Variants in SEMA7A observed in about 807,000 individuals in gnomAD.
SEMA7A encodes semaphorin 7A (JohnMiltonHagen blood group), also known as semaphorin-7A.
A neutral mutation model predicts 67.5 loss-of-function variants in SEMA7A; 21 were observed. The observed-to-expected ratio is 0.31, with a 90% CI of 0.22 to 0.45. The LOEUF is 0.45. Ranked by LOEUF, SEMA7A falls within the 20% of genes least tolerant of loss-of-function variation. The pLI, the probability that SEMA7A is intolerant of heterozygous loss-of-function variation, is 1.00. For missense variants in SEMA7A, 774 were observed against 908.6 expected (o/e 0.85, Z 1.90); for synonymous variants, 364 against 368.5 (o/e 0.99, Z 0.14).
chr15:74,410,964 A>G lies in SEMA7A; in HGVS notation c.1661T>C (p.Val554Ala). 1 of 1,613,322 alleles carries G rather than the reference A, an allele frequency of 6.2e-7. No homozygotes were observed. The highest frequency in any genetic ancestry group is 8.5e-7 in the Non-Finnish European group (1 of 1,179,774). The change falls in exon 14 of 14, where the codon GTT becomes GCT. Residue 554 changes from valine (V) to alanine (A), a missense_variant. By Grantham distance (64) the Val-to-Ala change is moderately conservative. Coordinates refer to ENST00000261918, the MANE Select transcript of SEMA7A (RefSeq NM_003612.5). This position sits in a 1 kb window ranked among gnomAD's most constrained non-coding sequence, Gnocchi z 7.5. ...GTAGCGAGAGTTTGGGGCCAGGGAA[A>G]CCTTCTGCAGTGGGGCCTTGTCTGG... ...PKPDKAPLQK[V>A]SLAPNSRYYL...
At chr15:74,424,939 A>G (rs2061031278) in intron 1 of SEMA7A, among the ~76,000 whole-genome samples, 1 of 152,260 alleles carries the variant, frequency 6.6e-6, no homozygotes, top group South Asian at 2.1e-4. Context: ...TTGGGCCCAC[A>G]GCCAGGGCAG....
intron 1 of SEMA7A, among the ~76,000 whole-genome samples, chr15:74,428,955 T>A (rs1040781594): frequency 4.5e-4 from 69 of 152,318 alleles, no homozygotes; most frequent in African/African-American, 1.6e-3. Flanking sequence ...TCCATCCCCC[T>A]GCTTTCTTTC....
Position 74,412,043 on chromosome 15 carries a change from G to A in SEMA7A, c.1295-31C>T, listed in dbSNP as rs550306245. 94 of 1,612,538 alleles carry A rather than the reference G, an allele frequency of 5.8e-5. 1 individual carries two copies. In the South Asian group the frequency reaches 7.0e-4, roughly 12 times the overall value. On this transcript the variant is annotated intron_variant, in intron 10 of 13. Transcript: ENST00000261918. ...TATGGTGGACAGAGGGTCAGTGGGC[G>A]GGAGTCCCACTGAGGGGCCAGGCAG... is the stretch of plus-strand genomic sequence containing the variant.
intron 7 of SEMA7A, among the ~76,000 whole-genome samples, chr15:74,416,337 A>G (rs2060948116): frequency 6.6e-6 from 1 of 151,950 alleles, no homozygotes; most frequent in African/African-American, 2.4e-5. Context: ...ACACACACAC[A>G]CACACCCCAT....
intron 6 of SEMA7A, among the ~76,000 whole-genome samples, chr15:74,417,098 T>C (rs560624828): frequency 5.1e-4 from 78 of 152,224 alleles, no homozygotes; most frequent in Non-Finnish European, 9.6e-4. Context: ...CTGCACTGGG[T>C]CTGGGGCTCC....
In SEMA7A at chr15:74,411,606, G is replaced by A. The variant is rs2060901408; in HGVS notation, c.1527C>T (p.Pro509=). Residue 509 remains proline, a synonymous_variant, in exon 12 of 14, where the codon CCC becomes CCT. Transcript: ENST00000261918. This position sits in a 1 kb window ranked among gnomAD's most constrained non-coding sequence, Gnocchi z 4.4. ...GCHGCLMSRD[P]YCGWDQGRCI... The stretch of plus-strand genomic sequence containing the variant: ...AGCGGCCTTGGTCCCAGCCGCAGTA[G>A]GGGTCTCGGGACATGAGGCAACCGT... The A allele has an allele frequency of 6.2e-7, 1 of 1,602,938 alleles. No homozygotes were observed. Among genetic ancestry groups the A allele is most frequent in the Non-Finnish European group, 8.5e-7 (1 of 1,174,330 alleles).
In SEMA7A at chr15:74,414,979, G is replaced by A. The variant is rs372132191; in HGVS notation, c.987-33C>T. On this transcript the variant is annotated intron_variant, in intron 8 of 13. Coordinates refer to ENST00000261918, the MANE Select transcript of SEMA7A (RefSeq NM_003612.5). The surrounding 1 kb of genome is among the most constrained non-coding windows in gnomAD (Gnocchi z 4.1). Reference sequence around the variant, plus strand: ...GACATGGAGACCAGCTCAATGGGGGGCCCAGAACCCACCCATCCACCTCCA... The same window carrying A: ...GACATGGAGACCAGCTCAATGGGGGACCCAGAACCCACCCATCCACCTCCA... 2.5e-5 allele frequency: 40 copies of A among 1,576,392 alleles called. No individual in the cohort carries two copies. The highest frequency in any genetic ancestry group is 8.1e-5 in the African/African-American group (6 of 74,060).
Position 74,411,668 on chromosome 15 carries a change from G to T in SEMA7A, c.1465C>A (p.Pro489Thr). 1 of 1,613,616 alleles carries T rather than the reference G, an allele frequency of 6.2e-7. No individual in the cohort carries two copies. The highest frequency in any genetic ancestry group is 1.1e-5 in the South Asian group (1 of 91,062). ...VSSQWEVSQV[P>T]LDLCEVYGGG... ...CCATAGACCTCACACAGGTCCAGGG[G>T]CACCTGGCTCACCTCCCACTGGGAG... Residue 489 changes from proline to threonine, a missense_variant, in exon 12 of 14, where the codon CCC becomes ACC. This residue lies in a region of SEMA7A where 427 missense variants were observed against 555.4 expected (regional missense o/e 0.77). Coordinates refer to ENST00000261918, the MANE Select transcript of SEMA7A (RefSeq NM_003612.5). The surrounding 1 kb of genome is among the most constrained non-coding windows in gnomAD (Gnocchi z 4.4).
chr15:74,433,684 C>T, intron 1 of SEMA7A, 57 bp downstream of exon 1: 1 of 1,372,842 alleles, frequency 7.3e-7, no homozygotes, highest in Non-Finnish European at 9.3e-7. Context: ...GCACACTCCG[C>T]ACCCGCCCCG....
intron 10 of SEMA7A, among the ~76,000 whole-genome samples, chr15:74,413,729 G>A (rs1283605140): frequency 6.6e-6 from 1 of 152,206 alleles, no homozygotes; most frequent in Non-Finnish European, 1.5e-5. Flanking sequence ...TGGTGCTGGG[G>A]TTCCAGTTTC....
chr15:74,420,982 C>A (rs553376473), intron 1 of SEMA7A, among the ~76,000 whole-genome samples: 11 of 152,378 alleles, frequency 7.2e-5, no homozygotes, highest in African/African-American at 2.4e-4. Context: ...TAGCCCCACT[C>A]CTGCACCAAG....
Position 74,411,240 on chromosome 15 carries a change from C to T in SEMA7A, c.1639+55G>A, listed in dbSNP as rs573175938. On this transcript the variant is annotated intron_variant, in intron 13 of 13. Transcript: ENST00000261918. This position sits in a 1 kb window ranked among gnomAD's most constrained non-coding sequence, Gnocchi z 4.4. ...CTCCCTCAGACCAGGACAATCAGGGCAGGGCAGTACCCCACTCATTGGGCC... is the reference window on the plus strand; with the variant it reads ...CTCCCTCAGACCAGGACAATCAGGGTAGGGCAGTACCCCACTCATTGGGCC... 1.9e-6 allele frequency: 3 copies of T among 1,566,150 alleles called. No individual in the cohort carries two copies. Among genetic ancestry groups the T allele is most frequent in the Non-Finnish European group, 8.7e-7 (1 of 1,143,220 alleles).
intron 6 of SEMA7A, 40 bp downstream of exon 6, chr15:74,417,295 C>G (rs755358661): frequency 6.6e-7 from 1 of 1,515,356 alleles, no homozygotes; most frequent in Non-Finnish European, 9.2e-7. Context: ...AGTGCTCACA[C>G]CCCCTTGCCC....
chr15:74,431,812 G>A (rs2061091070), intron 1 of SEMA7A, among the ~76,000 whole-genome samples: 1 of 151,880 alleles, frequency 6.6e-6, no homozygotes, highest in Non-Finnish European at 1.5e-5. Context: ...GGGGCACCTG[G>A]CACTGGTGAA....
chr15:74,413,403 G>A (rs965245714), intron 10 of SEMA7A, among the ~76,000 whole-genome samples: 1 of 152,184 alleles, frequency 6.6e-6, no homozygotes, highest in Non-Finnish European at 1.5e-5. Flanking sequence ...CCCTTAGAAC[G>A]AAGACACCTT....
At chr15:74,433,480 GC>G in intron 1 of SEMA7A, 1 of 1,036,284 alleles carries the variant, frequency 9.6e-7, no homozygotes, top group Non-Finnish European at 1.2e-6. Context: ...GCGGCTCCTG[GC>G]TGCCAGGGAC....
chr15:74,430,233 T>C (rs1453279892), intron 1 of SEMA7A, among the ~76,000 whole-genome samples: 2 of 152,248 alleles, frequency 1.3e-5, no homozygotes, highest in Middle Eastern at 3.4e-3. Context: ...GAGAAAAAGA[T>C]AGGAAAGAAC....
intron 1 of SEMA7A, among the ~76,000 whole-genome samples, chr15:74,431,998 G>A (rs939974655): frequency 1.3e-5 from 2 of 149,384 alleles, no homozygotes; most frequent in African/African-American, 4.9e-5. Flanking sequence ...TGGGTAAGAG[G>A]ACTGAAAGCA....
At chr15:74,417,799 C>T in intron 4 of SEMA7A, 78 bp downstream of exon 4, 3 of 1,569,092 alleles carry the variant, frequency 1.9e-6, no homozygotes. Flanking sequence ...GTCTCGCCAT[C>T]TCCTTCCCAC....
Sources: gnomAD v4.1 joint callset for allele counts (sites outside exome capture counted in the v4.1 genomes callset) on GRCh38, gnomAD v4.1.1 for gene constraint, gnomAD v4.1.1 regional missense constraint, Gnocchi (gnomAD v3.1) non-coding constraint, MANE v1.5 for transcripts, NCBI Gene and HGNC (gene_info 2026-07-23, HGNC 2026-07-21) for gene names.